Variants in RALGPS2 observed in about 807,000 individuals in gnomAD.
RALGPS2 encodes ras-specific guanine nucleotide-releasing factor RalGPS2.
Under a neutral mutation model 86.8 loss-of-function variants are expected in RALGPS2, and 43 were observed. That is an observed-to-expected ratio of 0.50 (90% CI 0.39 to 0.64). RALGPS2 has a LOEUF of 0.64. Ranked by LOEUF, RALGPS2 falls within the 30% of genes least tolerant of loss-of-function variation. The pLI is 0.00. For synonymous variants in RALGPS2, 243 were observed against 231.3 expected, an observed-to-expected ratio of 1.05 and a Z score of -0.46; for missense variants, 536 against 694.6, an observed-to-expected ratio of 0.77 and a Z score of 2.57.
At chr1:178,843,580 C>T (rs1219629805) in intron 8 of RALGPS2, among the ~76,000 whole-genome samples, 2 of 148,644 alleles carry the variant, frequency 1.3e-5, no homozygotes, top group Non-Finnish European at 3.0e-5. Flanking sequence ...GTGCAGTGCA[C>T]CAACATGGCG....
At chr1:178,809,923 G>A (rs901628652) in intron 5 of RALGPS2, among the ~76,000 whole-genome samples, 7 of 152,156 alleles carry the variant, frequency 4.6e-5, no homozygotes, top group Non-Finnish European at 7.3e-5. Context: ...TTGATAGAGA[G>A]TGACAAAGAA....
At chr1:178,843,545 C>G (rs981772338) in intron 8 of RALGPS2, among the ~76,000 whole-genome samples, 39 of 147,594 alleles carry the variant, frequency 2.6e-4, no homozygotes, top group African/African-American at 9.5e-4. Context: ...GGAGATATAC[C>G]TAATGCTAGA....
chr1:178,878,284 A>C (rs1200699287), intron 9 of RALGPS2, among the ~76,000 whole-genome samples: 1 of 152,148 alleles, frequency 6.6e-6, no homozygotes, highest in East Asian at 1.9e-4. Context: ...CTGTTAATAC[A>C]TAATTTTTAT....
In RALGPS2 at chr1:178,784,506, C is replaced by T. The variant is rs1362938233; in HGVS notation, c.146C>T (p.Thr49Ile). 1 of 1,594,288 alleles carries T rather than the reference C, an allele frequency of 6.3e-7. No individual in the cohort carries two copies. Among genetic ancestry groups the T allele is most frequent in the Non-Finnish European group, 8.6e-7 (1 of 1,167,104 alleles). ...DAVVFDVLKVTPEEYAGQITL... is the reference protein window; with the variant it reads ...DAVVFDVLKVIPEEYAGQITL... ...GTGGTATTCGATGTTCTTAAGGTTACACCAGAAGAATATGCGGTAAGCCTC... is the reference window on the plus strand; with the variant it reads ...GTGGTATTCGATGTTCTTAAGGTTATACCAGAAGAATATGCGGTAAGCCTC... Residue 49 changes from threonine (T) to isoleucine (I), a missense_variant, in exon 3 of 20, where the codon ACA (threonine) becomes ATA (isoleucine). Physicochemically the swap from Thr to Ile is moderately conservative, Grantham distance 89. Around this residue, in one of 3 missense-constraint regions of RALGPS2, gnomAD observed 184 missense variants for 296.7 expected, o/e 0.62. Coordinates refer to ENST00000367635, the MANE Select transcript of RALGPS2 (RefSeq NM_152663.5).
Position 178,886,046 on chromosome 1 carries a change from A to G in RALGPS2, c.1118A>G (p.Asp373Gly). ...GCAGGACCAAGACATCTGTTAGATGATAGCGTCATGGAGCCCCATGCGCCA... is the reference window on the plus strand; with the variant it reads ...GCAGGACCAAGACATCTGTTAGATGGTAGCGTCATGGAGCCCCATGCGCCA... ...PNAGPRHLLDDSVMEPHAPSR... is the reference protein window; with the variant it reads ...PNAGPRHLLDGSVMEPHAPSR... The change falls in exon 13 of 20, where the codon GAT (aspartate) becomes GGT (glycine). Residue 373 changes from aspartate to glycine, a missense_variant. By Grantham distance (94) the Asp-to-Gly change is moderately conservative (BLOSUM62 -1). This residue lies in a region of RALGPS2 where 309 missense variants were observed against 363.0 expected (regional missense o/e 0.85). Transcript: ENST00000367635. 3.1e-6 allele frequency: 5 copies of G among 1,613,788 alleles called. No individual in the cohort carries two copies. The highest frequency in any genetic ancestry group is 1.7e-5 in the Admixed American group (1 of 59,970).
intron 8 of RALGPS2, among the ~76,000 whole-genome samples, chr1:178,844,181 A>G (rs1168206168): frequency 2.0e-5 from 3 of 152,204 alleles, no homozygotes; most frequent in African/African-American, 4.8e-5. Flanking sequence ...CAGAGTTTGC[A>G]TAATGCTATG....
intron 8 of RALGPS2, chr1:178,869,036 C>T (rs1658587169): frequency 6.6e-6 from 1 of 151,934 alleles, no homozygotes; most frequent in African/African-American, 2.4e-5. Context: ...ATCTATGTTA[C>T]CTCATAAAAC....
chr1:178,852,975 T>C (rs1657282965), intron 8 of RALGPS2: 2 of 1,591,386 alleles, frequency 1.3e-6, no homozygotes. Context: ...TGAAGAAACA[T>C]GAGTGCATAA....
At chr1:178,864,848 A>G (rs1658274963) in intron 8 of RALGPS2, 2 of 686,406 alleles carry the variant, frequency 2.9e-6, no homozygotes, top group Non-Finnish European at 4.2e-6. Context: ...TTTAATGTAC[A>G]TATATAACAT....
intron 16 of RALGPS2, among the ~76,000 whole-genome samples, chr1:178,895,352 G>T (rs748747839): frequency 1.5e-4 from 23 of 152,078 alleles, no homozygotes; most frequent in Non-Finnish European, 3.1e-4. Context: ...TTGCATGTCA[G>T]TTGAAGCATT....
At chr1:178,850,841 A>G in intron 8 of RALGPS2, 2 of 240,498 alleles carry the variant, frequency 8.3e-6, no homozygotes, top group Non-Finnish European at 1.6e-5. Flanking sequence ...AATATAGCTA[A>G]GATTTGCTTT....
At chr1:178,912,031 T>C (rs1660649492) in intron 19 of RALGPS2, among the ~76,000 whole-genome samples, 1 of 152,252 alleles carries the variant, frequency 6.6e-6, no homozygotes, top group Non-Finnish European at 1.5e-5. Flanking sequence ...ACCTTTGTTC[T>C]TTTTTGTTTT....
chr1:178,796,212 G>A (rs777005948), intron 4 of RALGPS2, among the ~76,000 whole-genome samples: 12 of 151,988 alleles, frequency 7.9e-5, no homozygotes, highest in African/African-American at 2.2e-4. Flanking sequence ...CTCATTATAC[G>A]GACAGCTTTA....
chr1:178,785,442 C>T (rs1393565986), intron 3 of RALGPS2, 115 bp from the exon 4 acceptor site: 2 of 1,138,274 alleles, frequency 1.8e-6, no homozygotes, highest in Admixed American at 6.3e-5. Context: ...TCCATAAGCC[C>T]TTATAAAATT....
chr1:178,744,293 G>C (rs1260087465), intron 1 of RALGPS2, among the ~76,000 whole-genome samples: 3 of 152,168 alleles, frequency 2.0e-5, no homozygotes, highest in African/African-American at 7.2e-5. Context: ...AGCATTTGAT[G>C]ATCTAACCTT....
Position 178,767,559 on chromosome 1 carries a change from C to T in RALGPS2, c.-83-9123C>T, listed in dbSNP as rs559512704. 1.4e-4 allele frequency among the ~76,000 whole-genome samples: 22 copies of T among 152,140 alleles called. No homozygotes were observed. In the South Asian group the frequency reaches 1.7e-3, roughly 11 times the overall value. On this transcript the variant is annotated intron_variant, in intron 1 of 19. Coordinates refer to ENST00000367635, the MANE Select transcript of RALGPS2 (RefSeq NM_152663.5). ...TCCATGGGGCTCCCTCATGCAAAGG[C>T]CGTATCCTTGCCAGGTAAGCCCTAT...
intron 6 of RALGPS2, 28 bp downstream of exon 6, chr1:178,811,432 G>T (rs1654969810): frequency 7.3e-7 from 1 of 1,379,168 alleles, no homozygotes; most frequent in South Asian, 1.3e-5. Flanking sequence ...TTTTATTTTT[G>T]AGTTCAACCA....
chr1:178,841,093 C>T (rs770618824), intron 8 of RALGPS2, among the ~76,000 whole-genome samples: 1 of 152,164 alleles, frequency 6.6e-6, no homozygotes, highest in Non-Finnish European at 1.5e-5. Flanking sequence ...TGGTACCATT[C>T]CTTCTGAAAC....
At chr1:178,805,643 A>T (rs1468152976) in intron 4 of RALGPS2, among the ~76,000 whole-genome samples, 1 of 152,046 alleles carries the variant, frequency 6.6e-6, no homozygotes, top group Admixed American at 6.6e-5. Flanking sequence ...ATATATCTAA[A>T]TCCTTACTTT....
Sources: gnomAD v4.1 joint callset for allele counts (sites outside exome capture counted in the v4.1 genomes callset) on GRCh38, gnomAD v4.1.1 for gene constraint, gnomAD v4.1.1 regional missense constraint, MANE v1.5 for transcripts, NCBI Gene and HGNC (gene_info 2026-07-23, HGNC 2026-07-21) for gene names.